PHF24: variants seen among roughly 807,000 people sequenced by gnomAD.
The protein encoded by PHF24 is Galpha inhibitory interacting protein.
PHF24 carries 25 observed loss-of-function variants against 42.6 expected under a neutral mutation model. That is an observed-to-expected ratio of 0.59 (90% CI 0.43 to 0.82). The LOEUF is 0.82. Among genes scored for constraint, PHF24 ranks in the 40% least tolerant of loss-of-function variants. The pLI, the probability that PHF24 is intolerant of heterozygous loss-of-function variation, is 0.00. For missense variants in PHF24, 470 were observed against 538.1 expected, an observed-to-expected ratio of 0.87 and a Z score of 1.25; for synonymous variants, 185 against 204.8, an observed-to-expected ratio of 0.90 and a Z score of 0.83.
At chr9:34,749,454 C>T in the PHF24 span, among the ~76,000 whole-genome samples, 3 of 152,042 alleles carry the variant, frequency 2.0e-5, no homozygotes, top group Non-Finnish European at 4.4e-5. Context: ...AGGATCCAGC[C>T]AGGTGTGGTG....
the PHF24 span, among the ~76,000 whole-genome samples, chr9:34,694,143 C>T: frequency 4.2e-4 from 61 of 144,784 alleles, no homozygotes; most frequent in Admixed American, 9.1e-4. Context: ...CTCCCTTCCA[C>T]GGGTCTATCT....
chr9:34,927,003 G>C, the PHF24 span, among the ~76,000 whole-genome samples: 3 of 152,192 alleles, frequency 2.0e-5, no homozygotes, highest in Non-Finnish European at 4.4e-5. Context: ...TGCAGAGGCA[G>C]GGGTGCTGTG....
At chr9:34,685,092 T>C in the PHF24 span, among the ~76,000 whole-genome samples, 1 of 152,142 alleles carries the variant, frequency 6.6e-6, no homozygotes, top group African/African-American at 2.4e-5. Flanking sequence ...CTTGCTGCCC[T>C]CAGATGCTTT....
At chr9:34,851,407 G>T in the PHF24 span, among the ~76,000 whole-genome samples, 159 of 152,292 alleles carry the variant, frequency 1.0e-3, 1 homozygote, top group Non-Finnish European at 1.4e-3. Flanking sequence ...CTCCGAGCCA[G>T]GTGCGGGATA....
chr9:34,922,493 A>T, the PHF24 span: 1 of 1,267,508 alleles, frequency 7.9e-7, no homozygotes, highest in Non-Finnish European at 1.2e-6. Flanking sequence ...GTTGTGACTG[A>T]TCCACAGTCC....
the PHF24 span, among the ~76,000 whole-genome samples, chr9:34,885,105 C>T: frequency 1.3e-5 from 2 of 152,208 alleles, no homozygotes; most frequent in Non-Finnish European, 2.9e-5. Context: ...TCCCACTAGG[C>T]AGGCAGGATG....
At chr9:34,713,346 C>T in the PHF24 span, among the ~76,000 whole-genome samples, 1 of 152,186 alleles carries the variant, frequency 6.6e-6, no homozygotes, top group African/African-American at 2.4e-5. Context: ...TGCAAAACCC[C>T]TCATTTTTGG....
chr9:34,936,318 G>C, the PHF24 span, among the ~76,000 whole-genome samples: 1 of 152,228 alleles, frequency 6.6e-6, no homozygotes, highest in African/African-American at 2.4e-5. Context: ...TGATCCGCCA[G>C]CCTCGGCCTC....
chr9:34,674,639 T>C, the PHF24 span, among the ~76,000 whole-genome samples: 1 of 152,270 alleles, frequency 6.6e-6, no homozygotes, highest in South Asian at 2.1e-4. Context: ...CTAGTCTGGA[T>C]CAATGGGGAA....
chr9:34,845,580 CT>C, the PHF24 span, among the ~76,000 whole-genome samples: 87 of 151,722 alleles, frequency 5.7e-4, no homozygotes, highest in African/African-American at 1.9e-3. Flanking sequence ...AACAAGTTAA[CT>C]TTTTTTTAAA....
chr9:34,969,130 C>T (rs1395678589), intron 1 of PHF24, among the ~76,000 whole-genome samples: 1 of 152,186 alleles, frequency 6.6e-6, no homozygotes, highest in Non-Finnish European at 1.5e-5. Context: ...GGAGGCCAGA[C>T]CATGCAGGGC....
chr9:34,671,939 T>A, the PHF24 span, among the ~76,000 whole-genome samples: 2 of 152,236 alleles, frequency 1.3e-5, no homozygotes, highest in African/African-American at 4.8e-5. Flanking sequence ...ATATATTCAT[T>A]GTGACCTGTT....
chr9:34,875,630 G>GA, the PHF24 span, among the ~76,000 whole-genome samples: 1 of 152,024 alleles, frequency 6.6e-6, no homozygotes, highest in African/African-American at 2.4e-5. Flanking sequence ...GAAAAAAATG[G>GA]AAAAACATAC....
the PHF24 span, chr9:34,690,038 C>G: frequency 1.2e-6 from 2 of 1,612,326 alleles, no homozygotes; most frequent in Non-Finnish European, 1.7e-6. Flanking sequence ...GGTGAGAGGC[C>G]GGAGAGAATG....
At chr9:34,674,035 C>T in the PHF24 span, among the ~76,000 whole-genome samples, 48 of 152,260 alleles carry the variant, frequency 3.2e-4, no homozygotes, top group Non-Finnish European at 2.6e-4. Context: ...GGATTACAGG[C>T]GTGAGCCACT....
chr9:34,810,700 A>G, the PHF24 span, among the ~76,000 whole-genome samples: 1 of 152,220 alleles, frequency 6.6e-6, no homozygotes, highest in Non-Finnish European at 1.5e-5. Context: ...ATCTCCCTAT[A>G]GGCCTACATG....
Position 34,959,603 on chromosome 9 carries a change from T to C in PHF24, c.-5+1202T>C, listed in dbSNP as rs144421025. Reference sequence around the variant, plus strand: ...TCAGTAAATGTGATGATTAAATAAGTGGATGAGGACAGTTTAACTGGCCAT... The same window carrying C: ...TCAGTAAATGTGATGATTAAATAAGCGGATGAGGACAGTTTAACTGGCCAT... On this transcript the variant is annotated intron_variant, in intron 1 of 7. Transcript: ENST00000242315. 4.6e-5 allele frequency among the ~76,000 whole-genome samples: 7 copies of C among 152,264 alleles called. No individual in the cohort carries two copies. In the East Asian group the frequency reaches 7.7e-4, roughly 17 times the overall value.
chr9:34,789,429 T>C, the PHF24 span, among the ~76,000 whole-genome samples: 2 of 152,248 alleles, frequency 1.3e-5, no homozygotes, highest in African/African-American at 4.8e-5. Context: ...AACACCATCA[T>C]GTAAACACTG....
chr9:34,808,001 T>TA, the PHF24 span, among the ~76,000 whole-genome samples: 1 of 152,214 alleles, frequency 6.6e-6, no homozygotes, highest in African/African-American at 2.4e-5. Flanking sequence ...GTAGATATTT[T>TA]AATCAAATTG....
Sources: allele counts gnomAD v4.1 joint callset (sites outside exome capture counted in the v4.1 genomes callset), GRCh38; gene constraint gnomAD v4.1.1; transcripts MANE v1.5; gene names NCBI Gene and HGNC (gene_info 2026-07-23, HGNC 2026-07-21).